The following HCRTR2 variants were observed in gnomAD, a reference collection of about 807,000 sequenced individuals.
HCRTR2 encodes hypocretin receptor 2.
A neutral mutation model predicts 49.0 loss-of-function variants in HCRTR2; 22 were observed. The observed-to-expected ratio is 0.45, with a 90% CI of 0.32 to 0.64. The LOEUF (loss-of-function observed/expected upper bound fraction) is 0.64, where lower values mean the gene tolerates loss of function less well. Among genes scored for constraint, HCRTR2 ranks in the 30% least tolerant of loss-of-function variants. The pLI, the probability that HCRTR2 is intolerant of heterozygous loss-of-function variation, is 0.04. For missense variants in HCRTR2, 491 were observed against 559.4 expected (o/e 0.88, Z 1.23); for synonymous variants, 236 against 205.3 (o/e 1.15, Z -1.28).
At chr6:55,251,547 C>T (rs887972902) in intron 2 of HCRTR2, among the ~76,000 whole-genome samples, 4 of 151,808 alleles carry the variant, frequency 2.6e-5, no homozygotes, top group Non-Finnish European at 4.4e-5. Context: ...AGACGCCCTA[C>T]ACAGAAAATG....
chr6:55,116,715 G>A (rs375977891), intron 1 of HCRTR2, among the ~76,000 whole-genome samples: 4 of 88,518 alleles, frequency 4.5e-5, no homozygotes, highest in Admixed American at 1.3e-4. Flanking sequence ...AAGAGAGAGA[G>A]AAAAAAAAAA....
At chr6:55,243,488 T>A (rs2127307918) in intron 1 of HCRTR2, among the ~76,000 whole-genome samples, 1 of 152,274 alleles carries the variant, frequency 6.6e-6, no homozygotes, top group Middle Eastern at 3.4e-3. Context: ...AACAGCTAAG[T>A]TCTCTGTGAG....
chr6:55,208,479 G>A (rs962576523), intron 1 of HCRTR2, among the ~76,000 whole-genome samples: 14 of 151,234 alleles, frequency 9.3e-5, no homozygotes, highest in African/African-American at 2.4e-4. Flanking sequence ...GTGACAGAGC[G>A]AGACTCCACC....
intron 1 of HCRTR2, among the ~76,000 whole-genome samples, chr6:55,192,320 G>T (rs552949173): frequency 6.6e-6 from 1 of 152,228 alleles, no homozygotes; most frequent in South Asian, 2.1e-4. Context: ...TTGGGAAGCT[G>T]AGGTGGACAG....
chr6:55,184,137 C>T (rs1374248317), intron 1 of HCRTR2, among the ~76,000 whole-genome samples: 1 of 152,098 alleles, frequency 6.6e-6, no homozygotes, highest in Non-Finnish European at 1.5e-5. Context: ...CCGTGTTGCT[C>T]AGACTGATCT....
chr6:55,133,869 A>G (rs1764396843), intron 1 of HCRTR2, among the ~76,000 whole-genome samples: 1 of 151,818 alleles, frequency 6.6e-6, no homozygotes, highest in African/African-American at 2.4e-5. Flanking sequence ...TCTTTTATAA[A>G]AAATTTCTTG....
chr6:55,129,567 TCTC>T (rs1764326312), intron 1 of HCRTR2, among the ~76,000 whole-genome samples: 1 of 152,012 alleles, frequency 6.6e-6, no homozygotes, highest in South Asian at 2.1e-4. Flanking sequence ...TATTCCATGG[TCTC>T]CTCTTTTCCA....
intron 1 of HCRTR2, among the ~76,000 whole-genome samples, chr6:55,116,088 T>C (rs1764112087): frequency 6.6e-6 from 1 of 151,626 alleles, no homozygotes; most frequent in South Asian, 2.1e-4. Flanking sequence ...ATTATCAATA[T>C]ATTGGCTTGT....
At position 55,174,659 on chromosome 6, in the gene HCRTR2, T is replaced by C. The variant is rs1214621805; in HGVS notation, c.72T>C (p.Thr24=). Residue 24 remains threonine (T), a synonymous_variant, in exon 1 of 7, where the codon ACT becomes ACC. Coordinates refer to ENST00000370862, the MANE Select transcript of HCRTR2 (RefSeq NM_001384272.1). ...NWSSASELNE[T]QEPFLNPTDY... ...CATCTGCTTCGGAGCTGAATGAAAC[T>C]CAAGAGCCCTTTTTAAACCCCACCG... 2.5e-6 allele frequency: 4 copies of C among 1,613,854 alleles called. No individual in the cohort carries two copies. Among genetic ancestry groups the C allele is most frequent in the African/African-American group, 2.7e-5 (2 of 74,856 alleles).
intron 1 of HCRTR2, among the ~76,000 whole-genome samples, chr6:55,107,552 A>AAAG (rs1763992021): frequency 1.3e-5 from 2 of 151,906 alleles, no homozygotes; most frequent in African/African-American, 4.8e-5. Flanking sequence ...CATATACACT[A>AAAG]TAGTTTCTCC....
At chr6:55,201,081 G>A (rs936513771) in intron 1 of HCRTR2, among the ~76,000 whole-genome samples, 4 of 152,062 alleles carry the variant, frequency 2.6e-5, no homozygotes, top group African/African-American at 9.7e-5. Flanking sequence ...AGGAATTAAG[G>A]TAGACCTGTT....
intron 1 of HCRTR2, among the ~76,000 whole-genome samples, chr6:55,239,343 T>C (rs1766275802): frequency 6.6e-6 from 1 of 152,214 alleles, no homozygotes; most frequent in Non-Finnish European, 1.5e-5. Flanking sequence ...GGAGAAATCA[T>C]GCCATTCAGA....
chr6:55,120,312 T>C (rs1010792497), intron 1 of HCRTR2, among the ~76,000 whole-genome samples: 2 of 152,074 alleles, frequency 1.3e-5, no homozygotes, highest in African/African-American at 2.4e-5. Context: ...GGTAGCTTGA[T>C]AGGGAGAGCA....
intron 1 of HCRTR2, among the ~76,000 whole-genome samples, chr6:55,136,817 T>C (rs960128090): frequency 1.3e-5 from 2 of 152,168 alleles, no homozygotes; most frequent in African/African-American, 4.8e-5. Context: ...TGCGCTTACA[T>C]GGCCTTCTGG....
chr6:55,277,912 A>G (rs1767109898), intron 5 of HCRTR2, among the ~76,000 whole-genome samples: 1 of 152,220 alleles, frequency 6.6e-6, no homozygotes, highest in Non-Finnish European at 1.5e-5. Flanking sequence ...CAACTCATTT[A>G]CAGCTTGCAG....
rs149809865 is a variant in HCRTR2 at position 55,123,917 on chromosome 6, G to A, written c.-378+17372G>A. Among the ~76,000 whole-genome samples, 1,162 of 152,224 alleles carry A rather than the reference G, an allele frequency of 7.6e-3. 11 individuals are homozygous for A. The highest frequency in any genetic ancestry group is 0.026 in the African/African-American group (1,095 of 41,552). On this transcript the variant is annotated intron_variant, in intron 1 of 7. Transcript: ENST00000615358. ...AGGTTTTCTAGTTTTTTGTCTAGAG[G>A]TGTTTATAGTATTCTCTGATGGTAG...
chr6:55,282,575 TA>T lies in HCRTR2; in HGVS notation c.*123del. 1.5e-6 allele frequency: 1 copy of T among 654,398 alleles called. No individual in the cohort carries two copies. Among genetic ancestry groups the T allele is most frequent in the Non-Finnish European group, 2.7e-6 (1 of 372,492 alleles). The allele number at this position is 654,398 out of a possible 1,614,324, so 40.5% of individuals were successfully genotyped here. On this transcript the variant is annotated 3_prime_UTR_variant, in exon 7 of 7. Coordinates refer to ENST00000370862, the MANE Select transcript of HCRTR2 (RefSeq NM_001384272.1). ...ATTACTTGTGGATCTTTTTTTTTTTTAATCTATTGCTCTTTGGAAATAAAAA... is the reference window on the plus strand; with the variant it reads ...ATTACTTGTGGATCTTTTTTTTTTTTATCTATTGCTCTTTGGAAATAAAAA...
At chr6:55,255,757 G>A (rs1395235700) in intron 3 of HCRTR2, among the ~76,000 whole-genome samples, 1 of 152,132 alleles carries the variant, frequency 6.6e-6, no homozygotes. Flanking sequence ...TCAACACTGT[G>A]TTGTCTAGTG....
chr6:55,267,191 G>A (rs1024183911), intron 4 of HCRTR2, among the ~76,000 whole-genome samples: 1 of 152,124 alleles, frequency 6.6e-6, no homozygotes, highest in Admixed American at 6.6e-5. Flanking sequence ...CGTGCCATAG[G>A]CTACATCAAG....
Sources: gnomAD v4.1 joint callset for allele counts (sites outside exome capture counted in the v4.1 genomes callset) on GRCh38, gnomAD v4.1.1 for gene constraint, MANE v1.5 for transcripts, NCBI Gene and HGNC (gene_info 2026-07-23, HGNC 2026-07-21) for gene names.